Variants in ADD1 observed in about 807,000 individuals in gnomAD.
ADD1 encodes the protein alpha-adducin.
ADD1 carries 24 observed loss-of-function variants against 80.5 expected under a neutral mutation model. The observed-to-expected ratio is 0.30, with a 90% CI of 0.22 to 0.42. The LOEUF (loss-of-function observed/expected upper bound fraction) is 0.42. ADD1 is among the 10% of genes least tolerant of loss of function. The pLI, the probability that ADD1 is intolerant of heterozygous loss-of-function variation, is 1.00. For synonymous variants in ADD1, 373 were observed against 393.8 expected (o/e 0.95, Z 0.63); for missense variants, 948 against 1,019.0 (o/e 0.93, Z 0.95).
At chr4:2,894,848 TAA>T in intron 6 of ADD1, 117 bp downstream of exon 6, 1 of 1,166,482 alleles carries the variant, frequency 8.6e-7, no homozygotes, top group Non-Finnish European at 1.2e-6. Context: ...TTGTTGAATA[TAA>T]AAAAAAAGGT....
In ADD1 at chr4:2,884,580, G is replaced by A. The variant is rs1732935528; in HGVS notation, c.424G>A (p.Glu142Lys). The change falls in exon 4 of 16, where the codon GAG (glutamate) becomes AAG (lysine). Residue 142 changes from glutamate to lysine, a missense_variant. Glu to Lys is a moderately conservative substitution (Grantham distance 56). Coordinates refer to ENST00000683351, the MANE Select transcript of ADD1 (RefSeq NM_001354761.2). ...GSDSIAYDKG[E>K]KLLRCKLAAF... Reference sequence around the variant, plus strand: ...TGATTCTATTGCGTATGACAAAGGAGAGAAGTTATTACGGTGTAAATTGGC... The same window carrying A: ...TGATTCTATTGCGTATGACAAAGGAAAGAAGTTATTACGGTGTAAATTGGC... The A allele has an allele frequency of 1.2e-6, 2 of 1,613,614 alleles. No homozygotes were observed. Among genetic ancestry groups the A allele is most frequent in the African/African-American group, 1.3e-5 (1 of 74,926 alleles).
chr4:2,927,340 A>G (rs565051392), intron 15 of ADD1, among the ~76,000 whole-genome samples: 34 of 152,232 alleles, frequency 2.2e-4, no homozygotes, highest in Non-Finnish European at 4.6e-4. Context: ...CAGCTTCCCA[A>G]AGGTAAAGCA....
At chr4:2,861,576 G>T (rs1728824577) in intron 1 of ADD1, among the ~76,000 whole-genome samples, 3 of 152,140 alleles carry the variant, frequency 2.0e-5, no homozygotes, top group Admixed American at 2.0e-4. Flanking sequence ...AGAGTTTAGG[G>T]CTAGAGATAA....
intron 4 of ADD1, among the ~76,000 whole-genome samples, chr4:2,891,596 T>C (rs1233581798): frequency 6.6e-6 from 1 of 152,174 alleles, no homozygotes; most frequent in African/African-American, 2.4e-5. Context: ...AATGATTTAG[T>C]GTTGCTGCTC....
At chr4:2,915,332 C>T (rs1457095193) in intron 14 of ADD1, among the ~76,000 whole-genome samples, 1 of 152,130 alleles carries the variant, frequency 6.6e-6, no homozygotes, top group African/African-American at 2.4e-5. Context: ...ATGGAGAAAC[C>T]CCATCTCTAC....
chr4:2,848,307 G>C (rs536421686), intron 1 of ADD1, among the ~76,000 whole-genome samples: 1 of 152,098 alleles, frequency 6.6e-6, no homozygotes, highest in South Asian at 2.1e-4. Flanking sequence ...TTTCTACATT[G>C]AGGAACCTTG....
intron 11 of ADD1, among the ~76,000 whole-genome samples, chr4:2,908,266 T>G (rs539097451): frequency 1.3e-5 from 2 of 152,310 alleles, no homozygotes; most frequent in East Asian, 1.9e-4. Context: ...CAGTGAGAGA[T>G]AGGTGTCCTG....
At chr4:2,891,247 G>A (rs944490104) in intron 4 of ADD1, among the ~76,000 whole-genome samples, 1 of 152,142 alleles carries the variant, frequency 6.6e-6, no homozygotes, top group African/African-American at 2.4e-5. Flanking sequence ...GAGGCCAGGA[G>A]TTTGAGACCA....
chr4:2,928,153 TCTCAC>T lies in ADD1; in HGVS notation c.2048-11_2048-7del, dbSNP rs1712219794. The T allele has an allele frequency of 6.2e-7, 1 of 1,611,808 alleles. No individual in the cohort carries two copies. The highest frequency in any genetic ancestry group is 8.5e-7 in the Non-Finnish European group (1 of 1,178,674). ...CTGGGCAGGAACCCTTAATCCCATC[TCTCAC>T]CTCACCCACTAGACCTTGTGCCGGA... On this transcript the variant is annotated splice_polypyrimidine_tract_variant and intron_variant, in intron 15 of 15. Coordinates refer to ENST00000683351, the MANE Select transcript of ADD1 (RefSeq NM_001354761.2).
chr4:2,887,629 A>C (rs1348712424), intron 4 of ADD1: 1 of 152,170 alleles, frequency 6.6e-6, no homozygotes, highest in East Asian at 1.9e-4. Flanking sequence ...TCTGGATTCC[A>C]GAGAATGCTA....
At chr4:2,869,210 T>C (rs1730032788) in intron 1 of ADD1, among the ~76,000 whole-genome samples, 1 of 152,142 alleles carries the variant, frequency 6.6e-6, no homozygotes. Context: ...ACAACAGTAA[T>C]GTGTCATCTC....
In ADD1 at chr4:2,884,261, A is replaced by G. The variant is rs1224800085; in HGVS notation, c.359-254A>G. ...TGAAATTGTCTTTGAAGTTTTCAAG[A>G]CTTTATTGTCTAATGTGGAAGATAA... On this transcript the variant is annotated intron_variant, in intron 3 of 15. Transcript: ENST00000683351. Among the ~76,000 whole-genome samples, 4 of 152,196 alleles carry G rather than the reference A, an allele frequency of 2.6e-5. No homozygotes were observed. The East Asian group carries it at 7.7e-4, about 29-fold the overall frequency.
chr4:2,922,659 T>C (rs1740253491), intron 14 of ADD1, among the ~76,000 whole-genome samples: 1 of 152,208 alleles, frequency 6.6e-6, no homozygotes, highest in Non-Finnish European at 1.5e-5. Context: ...CAGCAGAGCT[T>C]GAGTGCTGTG....
At chr4:2,847,751 A>G (rs1169045798) in intron 1 of ADD1, among the ~76,000 whole-genome samples, 1 of 152,186 alleles carries the variant, frequency 6.6e-6, no homozygotes, top group Non-Finnish European at 1.5e-5. Flanking sequence ...CTAGAAGTAC[A>G]TTGGTTCAGT....
At chr4:2,852,138 T>TTTTCTTTCTTTCTCTCTTTC (rs1727193777) in intron 1 of ADD1, among the ~76,000 whole-genome samples, 1 of 97,580 alleles carries the variant, frequency 1.0e-5, no homozygotes, top group African/African-American at 4.2e-5. Context: ...ACCCGGCCTC[T>TTTTCTTTCTTTCTCTCTTTC]TTTCTTTCTT....
Position 2,928,343 on chromosome 4 carries a change from C to A in ADD1, c.2220C>A (p.Ser740Arg), listed in dbSNP as rs182709254. The part of the protein sequence containing the change: ...PSPTEAPTEA[S>R]PEPAPDPAPV... ...CCACTGAGGCCCCTACTGAGGCCAG[C>A]CCCGAGCCAGCCCCAGACCCAGCCC... Residue 740 changes from serine to arginine, a missense_variant, in exon 16 of 16, where the codon AGC becomes AGA. Physicochemically the swap from Ser to Arg is moderately radical, Grantham distance 110. Coordinates refer to ENST00000683351, the MANE Select transcript of ADD1 (RefSeq NM_001354761.2). The A allele has an allele frequency of 1.3e-5, 21 of 1,613,802 alleles. No homozygotes were observed. Among genetic ancestry groups the A allele is most frequent in the Non-Finnish European group, 1.8e-5 (21 of 1,179,928 alleles).
chr4:2,916,500 A>G (rs1739099072), intron 14 of ADD1, among the ~76,000 whole-genome samples: 1 of 151,898 alleles, frequency 6.6e-6, no homozygotes, highest in African/African-American at 2.4e-5. Flanking sequence ...GGCCCTGAAT[A>G]TTATTTTTAA....
At chr4:2,845,959 C>G (rs571397206) in intron 1 of ADD1, among the ~76,000 whole-genome samples, 2 of 152,182 alleles carry the variant, frequency 1.3e-5, no homozygotes, top group African/African-American at 4.8e-5. Context: ...CCCCTTTTCT[C>G]AACCAGTTTC....
rs141605710 is a variant in ADD1 at position 2,918,717 on chromosome 4, G to C, written c.1948+3677G>C. ...ATACCTAGTTTATTGAGAGTTTTTA[G>C]CATGAAGGGGTGTTGAATTTTATTG... On this transcript the variant is annotated intron_variant, in intron 14 of 15. Coordinates refer to ENST00000683351, the MANE Select transcript of ADD1 (RefSeq NM_001354761.2). 8.8e-3 allele frequency among the ~76,000 whole-genome samples: 1,333 copies of C among 152,228 alleles called. 17 individuals carry two copies. The highest frequency in any genetic ancestry group is 0.03 in the African/African-American group (1,266 of 41,530).
Sources: gnomAD v4.1 joint callset for allele counts (sites outside exome capture counted in the v4.1 genomes callset) on GRCh38, gnomAD v4.1.1 for gene constraint, MANE v1.5 for transcripts, NCBI Gene and HGNC (gene_info 2026-07-23, HGNC 2026-07-21) for gene names.